PCNX1: variants seen among roughly 807,000 people sequenced by gnomAD.
PCNX1 encodes pecanex-like protein 1.
In PCNX1, 78 loss-of-function variants were observed where a neutral mutation model predicts 242.2. That is an observed-to-expected ratio of 0.32 (90% CI 0.27 to 0.39). The LOEUF (loss-of-function observed/expected upper bound fraction) is 0.39, where lower values mean the gene tolerates loss of function less well. Ranked by LOEUF, PCNX1 falls within the 10% of genes least tolerant of loss-of-function variation. The probability of loss-of-function intolerance (pLI) is 1.00; values close to 1 mark genes in which losing one functional copy is unlikely to be tolerated. For synonymous variants in PCNX1, 1,024 were observed against 1,032.9 expected (o/e 0.99, Z 0.17); for missense variants, 2,581 against 2,856.5 (o/e 0.90, Z 2.20).
intron 1 of PCNX1, among the ~76,000 whole-genome samples, chr14:70,917,365 G>A (rs1158978832): frequency 6.6e-6 from 1 of 152,160 alleles, no homozygotes; most frequent in African/African-American, 2.4e-5. Flanking sequence ...CTTATGAAAT[G>A]TATTTCTTAA....
At chr14:71,019,482 A>G (rs944648287) in intron 12 of PCNX1, among the ~76,000 whole-genome samples, 1 of 152,210 alleles carries the variant, frequency 6.6e-6, no homozygotes, top group African/African-American at 2.4e-5. Flanking sequence ...GCTCACTGCA[A>G]CCGTCGCCTC....
Position 71,110,760 on chromosome 14 carries a change from A to G in PCNX1, c.*825A>G, listed in dbSNP as rs2062739376. On this transcript the variant is annotated 3_prime_UTR_variant, in exon 36 of 36. Transcript: ENST00000304743. ...ATTTCCCAGAGCCAATAGTCAGCGG[A>G]TCGGTCTTGTGAACACCACTGCCAG... The G allele has an allele frequency of 6.5e-6, 1 of 152,702 alleles. No homozygotes were observed. Among genetic ancestry groups the G allele is most frequent in the Non-Finnish European group, 1.5e-5 (1 of 68,078 alleles). The allele number at this position is 152,702 out of a possible 1,614,324, so 9.5% of individuals were successfully genotyped here. A position where few individuals can be genotyped will look rare whatever the true frequency, so the allele number is the denominator to read the frequency against.
chr14:70,997,315 A>G (rs1283222116), intron 8 of PCNX1, among the ~76,000 whole-genome samples: 1 of 152,112 alleles, frequency 6.6e-6, no homozygotes, highest in Non-Finnish European at 1.5e-5. Context: ...TTGGCTTTAT[A>G]GTAGTAGATC....
intron 2 of PCNX1, among the ~76,000 whole-genome samples, chr14:70,947,983 GC>G (rs2057527646): frequency 6.6e-6 from 1 of 152,080 alleles, no homozygotes; most frequent in Admixed American, 6.6e-5. Context: ...CTCCAGCAGC[GC>G]CCCCAGGCTT....
chr14:70,916,995 G>C (rs2056176526), intron 1 of PCNX1, among the ~76,000 whole-genome samples: 1 of 152,106 alleles, frequency 6.6e-6, no homozygotes, highest in Non-Finnish European at 1.5e-5. Context: ...GTCTTCGCCA[G>C]GAGCAAATTG....
chr14:71,029,050 C>T (rs2060312192), intron 16 of PCNX1, among the ~76,000 whole-genome samples: 1 of 151,936 alleles, frequency 6.6e-6, no homozygotes, highest in South Asian at 2.1e-4. Flanking sequence ...GAAAACTAGG[C>T]TCATCTGGTA....
At position 71,050,803 on chromosome 14, in the gene PCNX1, C is replaced by T. The variant is rs368235523; in HGVS notation, c.4447+43C>T. 19 of 1,561,974 alleles carry T rather than the reference C, an allele frequency of 1.2e-5. No homozygotes were observed. The African/African-American group carries it at 2.5e-4, about 20-fold the overall frequency. ...GTTTTATAAGAATGGACAGTCATAT[C>T]CTAGATAAGAATGTTGGTTTATAGG... is the stretch of plus-strand genomic sequence containing the variant. On this transcript the variant is annotated intron_variant, in intron 23 of 35. Coordinates refer to ENST00000304743, the MANE Select transcript of PCNX1 (RefSeq NM_014982.3).
intron 1 of PCNX1, among the ~76,000 whole-genome samples, chr14:70,946,239 G>T (rs1224986678): frequency 2.6e-5 from 4 of 152,180 alleles, no homozygotes; most frequent in Non-Finnish European, 5.9e-5. Context: ...CCTGGATTTT[G>T]CATGTCTTCC....
At chr14:71,001,491 T>G (rs2059505396) in intron 8 of PCNX1, among the ~76,000 whole-genome samples, 1 of 152,228 alleles carries the variant, frequency 6.6e-6, no homozygotes, top group Non-Finnish European at 1.5e-5. Context: ...AGTTTATCAC[T>G]GTTATTGTAG....
At chr14:70,965,619 C>T (rs1169062368) in intron 3 of PCNX1, among the ~76,000 whole-genome samples, 1 of 139,582 alleles carries the variant, frequency 7.2e-6, no homozygotes, top group Non-Finnish European at 1.5e-5. Flanking sequence ...GCTGAGATGG[C>T]ACCACTGCAC....
chr14:70,948,559 GTA>G (rs2057554675), intron 2 of PCNX1, among the ~76,000 whole-genome samples: 1 of 150,796 alleles, frequency 6.6e-6, no homozygotes, highest in East Asian at 1.9e-4. Context: ...TAAATAAAAT[GTA>G]TGTGTGTGTA....
intron 28 of PCNX1, among the ~76,000 whole-genome samples, chr14:71,077,742 CATATA>C (rs1411495051): frequency 6.6e-6 from 1 of 152,154 alleles, no homozygotes; most frequent in Admixed American, 6.6e-5. Flanking sequence ...TTCTTCCAAA[CATATA>C]ATAAATAGTT....
chr14:70,995,673 A>T, intron 7 of PCNX1, 68 bp from the exon 8 acceptor site: 1 of 1,372,238 alleles, frequency 7.3e-7, no homozygotes, highest in Non-Finnish European at 1.0e-6. Flanking sequence ...TTCTATGTTG[A>T]CTTCATTCTA....
intron 7 of PCNX1, 63 bp downstream of exon 7, chr14:70,988,762 C>A: frequency 1.3e-6 from 2 of 1,528,450 alleles, no homozygotes; most frequent in Non-Finnish European, 1.8e-6. Context: ...ATCTGTTCCG[C>A]CAGTCCCAAG....
chr14:70,908,943 G>C (rs1342091720), intron 1 of PCNX1, among the ~76,000 whole-genome samples: 1 of 152,258 alleles, frequency 6.6e-6, no homozygotes, highest in Non-Finnish European at 1.5e-5. Flanking sequence ...TGTGGACAGA[G>C]ATGTTACTTA....
chr14:71,058,542 A>G (rs1000957204), intron 26 of PCNX1, among the ~76,000 whole-genome samples: 1 of 152,200 alleles, frequency 6.6e-6, no homozygotes, highest in African/African-American at 2.4e-5. Flanking sequence ...TTTTTCATCT[A>G]TTCTAAGTGC....
Position 71,053,089 on chromosome 14 carries a change from G to T in PCNX1, c.4577+1077G>T, listed in dbSNP as rs372275788. 6.6e-5 allele frequency among the ~76,000 whole-genome samples: 10 copies of T among 152,070 alleles called. No individual in the cohort carries two copies. The South Asian group carries it at 1.4e-3, about 22-fold the overall frequency. On this transcript the variant is annotated intron_variant, in intron 24 of 35. Transcript: ENST00000304743. ...CACCTTTTAAACAGTGGGCTAGTTT[G>T]TAGGTTTGAAACTTTTACTCTGGTC...
At chr14:70,982,913 G>A (rs748754871) in intron 6 of PCNX1, among the ~76,000 whole-genome samples, 14 of 152,178 alleles carry the variant, frequency 9.2e-5, no homozygotes, top group Non-Finnish European at 1.5e-4. Context: ...AATAATAACC[G>A]TCTAGACCTG....
intron 6 of PCNX1, 59 bp downstream of exon 6, chr14:70,978,707 T>G: frequency 7.2e-7 from 1 of 1,394,156 alleles, no homozygotes; most frequent in Non-Finnish European, 9.8e-7. Flanking sequence ...TACTATTAAT[T>G]AGAGTAGTAC....
Sources: gnomAD v4.1 joint callset for allele counts (sites outside exome capture counted in the v4.1 genomes callset) on GRCh38, gnomAD v4.1.1 for gene constraint, MANE v1.5 for transcripts, NCBI Gene and HGNC (gene_info 2026-07-23, HGNC 2026-07-21) for gene names.